The following SENP6 variants were observed in gnomAD, a reference collection of about 807,000 sequenced individuals.
The protein encoded by SENP6 is SUMO specific peptidase 6.
SENP6 carries 41 observed loss-of-function variants against 134.5 expected under a neutral mutation model. The ratio of observed to expected loss-of-function variants is 0.30; its 90% CI spans 0.24 to 0.40. The LOEUF is 0.40. Ranked by LOEUF, SENP6 falls within the 10% of genes least tolerant of loss-of-function variation. The pLI is 1.00. For missense variants in SENP6, 1,248 were observed against 1,312.5 expected (o/e 0.95, Z 0.76); for synonymous variants, 395 against 429.8 (o/e 0.92, Z 1.00).
intron 3 of SENP6, among the ~76,000 whole-genome samples, chr6:75,625,080 T>G (rs1475837358): frequency 1.3e-5 from 2 of 151,400 alleles, no homozygotes; most frequent in African/African-American, 4.8e-5. Flanking sequence ...GCTGTGATAC[T>G]AGTTGCTAAT....
In SENP6 at chr6:75,612,531, A is replaced by G. The variant is rs183062945; in HGVS notation, c.53-9001A>G. 2.3e-3 allele frequency among the ~76,000 whole-genome samples: 353 copies of G among 152,086 alleles called. 1 individual carries two copies. Among genetic ancestry groups the G allele is most frequent in the Admixed American group, 3.5e-3 (53 of 15,268 alleles). The stretch of plus-strand genomic sequence containing the variant: ...ATTTTTGTAGAGACAGAGTGTCACT[A>G]TGCTGCTCAGGCTGCTCTCGACTTC... On this transcript the variant is annotated intron_variant, in intron 1 of 23. Coordinates refer to ENST00000447266, the MANE Select transcript of SENP6 (RefSeq NM_015571.4).
At chr6:75,610,644 G>A (rs903417099) in intron 1 of SENP6, among the ~76,000 whole-genome samples, 2 of 152,136 alleles carry the variant, frequency 1.3e-5, no homozygotes, top group African/African-American at 4.8e-5. Flanking sequence ...GGGGCTTTCA[G>A]TGCTAAAATT....
Position 75,678,877 on chromosome 6 carries a change from T to C in SENP6, c.2025T>C (p.Cys675=). 1 of 1,603,908 alleles carries C rather than the reference T, an allele frequency of 6.2e-7. No homozygotes were observed. Among genetic ancestry groups the C allele is most frequent in the Non-Finnish European group, 8.5e-7 (1 of 1,172,784 alleles). ...GISVTNEDLH[C]LNEGEFLNDV... ...CTGTTACCAATGAGGACCTGCACTGTCTAAATGAAGGAGAATTTTTAAATG... is the reference window on the plus strand; with the variant it reads ...CTGTTACCAATGAGGACCTGCACTGCCTAAATGAAGGAGAATTTTTAAATG... Residue 675 remains cysteine (C), a synonymous_variant, in exon 16 of 24, where the codon TGT becomes TGC. Coordinates refer to ENST00000447266, the MANE Select transcript of SENP6 (RefSeq NM_015571.4).
chr6:75,703,936 T>A, intron 19 of SENP6, among the ~76,000 whole-genome samples: 1 of 152,196 alleles, frequency 6.6e-6, no homozygotes, highest in Middle Eastern at 3.2e-3. Context: ...CATAGGAAAT[T>A]TACAGTATTC....
At chr6:75,640,658 A>ATT in intron 5 of SENP6, 26 bp from the exon 6 acceptor site, 1 of 1,499,722 alleles carries the variant, frequency 6.7e-7, no homozygotes, top group Non-Finnish European at 9.0e-7. Context: ...TGCCTCTTAT[A>ATT]TTTTTTTTCT....
At chr6:75,627,757 C>T (rs944892066) in intron 3 of SENP6, among the ~76,000 whole-genome samples, 1 of 152,102 alleles carries the variant, frequency 6.6e-6, no homozygotes, top group African/African-American at 2.4e-5. Context: ...CTCACTGCAA[C>T]CTCCACCTCC....
intron 7 of SENP6, among the ~76,000 whole-genome samples, chr6:75,656,660 G>GT (rs1241312881): frequency 6.6e-6 from 1 of 152,072 alleles, no homozygotes. Flanking sequence ...ACATTTTTGT[G>GT]TTTTTTTCTT....
chr6:75,682,509 A>G (rs1426210476), intron 16 of SENP6, among the ~76,000 whole-genome samples: 1 of 151,924 alleles, frequency 6.6e-6, no homozygotes, highest in African/African-American at 2.4e-5. Context: ...GTACCTATCA[A>G]CTCATCATTT....
chr6:75,710,775 A>C (rs1443596246), intron 20 of SENP6, among the ~76,000 whole-genome samples: 2 of 152,194 alleles, frequency 1.3e-5, no homozygotes, highest in Admixed American at 1.3e-4. Flanking sequence ...TGACCAAAAA[A>C]GCCTTGTTTA....
At chr6:75,708,295 AT>A (rs1775537179) in intron 19 of SENP6, among the ~76,000 whole-genome samples, 1 of 152,038 alleles carries the variant, frequency 6.6e-6, no homozygotes, top group Non-Finnish European at 1.5e-5. Flanking sequence ...ATCTTTTCAG[AT>A]TTTTTGCTTC....
chr6:75,638,555 A>AGTGTGTGTGTGT (rs59936116), intron 5 of SENP6, among the ~76,000 whole-genome samples: 10 of 26,348 alleles, frequency 3.8e-4, no homozygotes, highest in Middle Eastern at 0.026. Flanking sequence ...TTGTGTGTGT[A>AGTGTGTGTGTGT]GTGTGTGTGT....
At chr6:75,603,455 G>C (rs1013269252) in intron 1 of SENP6, among the ~76,000 whole-genome samples, 5 of 152,128 alleles carry the variant, frequency 3.3e-5, no homozygotes, top group African/African-American at 9.7e-5. Flanking sequence ...AGCAAAATGA[G>C]TCTCTGCTGC....
chr6:75,658,478 T>C (rs1771513091), intron 7 of SENP6, among the ~76,000 whole-genome samples: 1 of 152,146 alleles, frequency 6.6e-6, no homozygotes, highest in Admixed American at 6.5e-5. Context: ...TTTAGAAACA[T>C]GTTTGGCCTC....
Position 75,625,532 on chromosome 6 carries a change from G to C in SENP6, c.207+1572G>C, listed in dbSNP as rs376086972. Among the ~76,000 whole-genome samples the C allele has an allele frequency of 4.6e-5, 7 of 152,094 alleles. No homozygotes were observed. In the South Asian group the frequency reaches 1.2e-3, roughly 27 times the overall value. On this transcript the variant is annotated intron_variant, in intron 3 of 23. Transcript: ENST00000447266. ...CAGATGTATCATTTTTCTTTTAAAG[G>C]CTTTTGAGTCTACTGTCTTTGTTCC...
At chr6:75,650,066 A>G (rs1460398345) in intron 7 of SENP6, among the ~76,000 whole-genome samples, 2 of 152,140 alleles carry the variant, frequency 1.3e-5, no homozygotes, top group African/African-American at 2.4e-5. Flanking sequence ...AGCATTTGTC[A>G]TGTTCTCTTA....
At chr6:75,621,734 AC>A in intron 2 of SENP6, 109 bp downstream of exon 2, 1 of 626,908 alleles carries the variant, frequency 1.6e-6, no homozygotes, top group African/African-American at 2.0e-5. Flanking sequence ...TCTTAAGAAA[AC>A]ATATAACTCT....
chr6:75,677,113 G>A lies in SENP6; in HGVS notation c.1705G>A (p.Glu569Lys). The change falls in exon 14 of 24, where the codon GAA becomes AAA. Residue 569 changes from glutamate to lysine, a missense_variant. Glu to Lys is a moderately conservative substitution (Grantham distance 56, BLOSUM62 1). This residue lies in a region of SENP6 where 733 missense variants were observed against 725.4 expected (regional missense o/e 1.01). Transcript: ENST00000447266. ...ANMVFESIIN[E>K]IGIKNNISNF... ...TATGGTATTTGAAAGTATCATTAATGAAATTGGTATAAAGAATAACATCTC... is the reference window on the plus strand; with the variant it reads ...TATGGTATTTGAAAGTATCATTAATAAAATTGGTATAAAGAATAACATCTC... The A allele has an allele frequency of 6.2e-7, 1 of 1,608,972 alleles. No homozygotes were observed.
intron 16 of SENP6, among the ~76,000 whole-genome samples, chr6:75,683,800 C>G (rs1422120142): frequency 6.6e-6 from 1 of 152,130 alleles, no homozygotes; most frequent in Non-Finnish European, 1.5e-5. Flanking sequence ...GTTACTGTAG[C>G]TTTGTAGTAT....
chr6:75,651,046 A>C (rs1770821737), intron 7 of SENP6, among the ~76,000 whole-genome samples: 1 of 152,190 alleles, frequency 6.6e-6, no homozygotes, highest in Admixed American at 6.5e-5. Flanking sequence ...TATAAAATTA[A>C]AGTTTGTAAA....
Sources: allele counts gnomAD v4.1 joint callset (sites outside exome capture counted in the v4.1 genomes callset), GRCh38; gene constraint gnomAD v4.1.1; regional missense constraint gnomAD v4.1.1; transcripts MANE v1.5; gene names NCBI Gene and HGNC (gene_info 2026-07-23, HGNC 2026-07-21).